The following DDI2 variants were observed in gnomAD, a reference collection of about 807,000 sequenced individuals.
The protein encoded by DDI2 is protein DDI1 homolog 2.
A neutral mutation model predicts 48.1 loss-of-function variants in DDI2; 5 were observed. The observed-to-expected ratio is 0.10, with a 90% CI of 0.05 to 0.22. The LOEUF (loss-of-function observed/expected upper bound fraction) is 0.22, where lower values mean the gene tolerates loss of function less well. Among genes scored for constraint, DDI2 ranks in the 10% least tolerant of loss-of-function variants. The pLI is 1.00. For synonymous variants in DDI2, 205 were observed against 183.6 expected (o/e 1.12, Z -0.94); for missense variants, 285 against 506.2 (o/e 0.56, Z 4.19).
At chr1:15,639,592 T>C (rs1305758025) in intron 5 of DDI2, among the ~76,000 whole-genome samples, 1 of 152,074 alleles carries the variant, frequency 6.6e-6, no homozygotes, top group Non-Finnish European at 1.5e-5. Flanking sequence ...GCCTCTCAAG[T>C]AGCTGGAACC....
intron 4 of DDI2, 29 bp from the exon 5 acceptor site, chr1:15,638,278 T>G: frequency 6.2e-7 from 1 of 1,612,696 alleles, no homozygotes; most frequent in East Asian, 2.2e-5. Flanking sequence ...ATTAATGCTT[T>G]CAGTGTCCCT....
chr1:15,634,207 T>G (rs1032083543), intron 4 of DDI2: 9 of 158,074 alleles, frequency 5.7e-5, no homozygotes, highest in Middle Eastern at 3.3e-3. Flanking sequence ...GAATCAGAAT[T>G]GTCGGGCATG....
Position 15,665,657 on chromosome 1 carries a change from G to A in DDI2, c.*5867G>A, listed in dbSNP as rs1640442074. 1 of 152,106 alleles carries A rather than the reference G, an allele frequency of 6.6e-6. No individual in the cohort carries two copies. 9.4% of individuals were successfully genotyped at this position (152,106 alleles called of 1,614,324 possible). A position where few individuals can be genotyped will look rare whatever the true frequency, so the allele number is the denominator to read the frequency against. ...TAGTTAATTTTATATGGATTTAAAA[G>A]CAAGCAATTTTTATATCTACAGACG... On this transcript the variant is annotated 3_prime_UTR_variant, in exon 10 of 10. Transcript: ENST00000480945.
chr1:15,634,486 T>C (rs1432631570), intron 4 of DDI2, among the ~76,000 whole-genome samples: 1 of 151,124 alleles, frequency 6.6e-6, no homozygotes, highest in Non-Finnish European at 1.5e-5. Flanking sequence ...TATTACACTA[T>C]CTATCAACTT....
intron 6 of DDI2, among the ~76,000 whole-genome samples, chr1:15,644,663 G>A (rs543958449): frequency 1.2e-3 from 149 of 125,688 alleles, no homozygotes; most frequent in Non-Finnish European, 2.0e-3. Context: ...GCGCTATCTC[G>A]GCTCACTGCA....
rs373171208 is a variant in DDI2, at chr1:15,661,613, G to C, written c.*1823G>C. 28 of 1,613,908 alleles carry C rather than the reference G, an allele frequency of 1.7e-5. 1 individual carries two copies. In the South Asian group the frequency reaches 3.0e-4, roughly 17 times the overall value. On this transcript the variant is annotated 3_prime_UTR_variant, in exon 10 of 10. Coordinates refer to ENST00000480945, the MANE Select transcript of DDI2 (RefSeq NM_032341.5). ...GCCACAGATATTGACCGCATTCTCC[G>C]TGCTGGCTTTACTTTGCAGGAAGCT... is the stretch of plus-strand genomic sequence containing the variant.
intron 1 of DDI2, 75 bp downstream of exon 1, chr1:15,617,883 C>T: frequency 1.4e-6 from 2 of 1,428,250 alleles, no homozygotes; most frequent in South Asian, 2.9e-5. Context: ...CCTCCCTTTG[C>T]TACTGGTGAA....
At chr1:15,653,814 C>G (rs528887151) in intron 8 of DDI2, among the ~76,000 whole-genome samples, 105 of 152,252 alleles carry the variant, frequency 6.9e-4, no homozygotes, top group African/African-American at 2.4e-3. Context: ...TTGAACGTTA[C>G]TGAAAATGCA....
At chr1:15,618,939 T>G (rs1175051692) in intron 1 of DDI2, among the ~76,000 whole-genome samples, 1 of 152,240 alleles carries the variant, frequency 6.6e-6, no homozygotes, top group Non-Finnish European at 1.5e-5. Flanking sequence ...CAATACTTTG[T>G]TCAGAAGTAT....
chr1:15,660,106 CA>C lies in DDI2; in HGVS notation c.*317del. The stretch of plus-strand genomic sequence containing the variant: ...TCTTTCTTTACAAGATCTTTCTGAT[CA>C]TGCTTCCTCAGCAGACCATGCTCCA... On this transcript the variant is annotated 3_prime_UTR_variant, in exon 10 of 10. Coordinates refer to ENST00000480945, the MANE Select transcript of DDI2 (RefSeq NM_032341.5). The C allele has an allele frequency of 6.2e-7, 1 of 1,614,134 alleles. No individual in the cohort carries two copies. Among genetic ancestry groups the C allele is most frequent in the Middle Eastern group, 1.6e-4 (1 of 6,062 alleles).
At chr1:15,659,724 G>A (rs1409008598) in intron 9 of DDI2, 113 bp from the exon 10 acceptor site, 20 of 1,109,786 alleles carry the variant, frequency 1.8e-5, no homozygotes, top group Admixed American at 1.2e-4. Context: ...AGAGAAACCC[G>A]AGTTTGAGGA....
chr1:15,643,779 G>A lies in DDI2; in HGVS notation c.889+129G>A, dbSNP rs759062628. ...TGTTGTTTTAAATTTCTTTTGTGTG[G>A]GTATGTCTGAGCTAGCAAGCCTAAT... On this transcript the variant is annotated intron_variant, in intron 6 of 9. Transcript: ENST00000480945. The A allele has an allele frequency of 7.5e-6, 10 of 1,337,348 alleles. No individual in the cohort carries two copies. The Middle Eastern group carries it at 6.5e-4, about 87-fold the overall frequency. 82.8% of individuals were successfully genotyped at this position (1,337,348 alleles called of 1,614,324 possible).
chr1:15,663,918 A>G lies in DDI2; in HGVS notation c.*4128A>G, dbSNP rs992190062. On this transcript the variant is annotated 3_prime_UTR_variant, in exon 10 of 10. Coordinates refer to ENST00000480945, the MANE Select transcript of DDI2 (RefSeq NM_032341.5). ...TGGGAAACAGTTCCAAGTGGAATAT[A>G]TAATATCAGTCGGGAAAAGATTTCA... The G allele has an allele frequency of 2.0e-5, 3 of 152,342 alleles. No homozygotes were observed. The highest frequency in any genetic ancestry group is 2.0e-4 in the Admixed American group (3 of 15,298). 9.4% of individuals were successfully genotyped at this position (152,342 alleles called of 1,614,324 possible). A position where few individuals can be genotyped will look rare whatever the true frequency, so the allele number is the denominator to read the frequency against.
At chr1:15,617,873 C>T (rs1639588563) in intron 1 of DDI2, 65 bp downstream of exon 1, 5 of 1,447,268 alleles carry the variant, frequency 3.5e-6, no homozygotes, top group South Asian at 1.4e-5. Flanking sequence ...GGCCTCACTC[C>T]CTCCCTTTGC....
intron 8 of DDI2, 148 bp from the exon 9 acceptor site, chr1:15,656,469 G>A: frequency 6.5e-7 from 1 of 1,531,834 alleles, no homozygotes; most frequent in Non-Finnish European, 8.8e-7. Flanking sequence ...AAATATTTTG[G>A]ATGTCCAAAC....
In DDI2 at chr1:15,638,410, C is replaced by T. The variant is rs1639957499; in HGVS notation, c.736C>T (p.Pro246Ser). The T allele has an allele frequency of 6.2e-7, 1 of 1,613,662 alleles. No homozygotes were observed. The highest frequency in any genetic ancestry group is 1.3e-5 in the African/African-American group (1 of 74,856). ...LYINCKVNGH[P>S]VKAFVDSGAQ... Reference sequence around the variant, plus strand: ...TATTAACTGCAAAGTGAATGGACATCCTGTGAAAGCCTTTGTTGACTCAGG... The same window carrying T: ...TATTAACTGCAAAGTGAATGGACATTCTGTGAAAGCCTTTGTTGACTCAGG... The change falls in exon 5 of 10, where the codon CCT becomes TCT. Residue 246 changes from proline to serine, a missense_variant. Coordinates refer to ENST00000480945, the MANE Select transcript of DDI2 (RefSeq NM_032341.5).
At chr1:15,653,960 TA>T (rs1640232749) in intron 8 of DDI2, among the ~76,000 whole-genome samples, 1 of 152,210 alleles carries the variant, frequency 6.6e-6, no homozygotes, top group South Asian at 2.1e-4. Context: ...CTAAGTTTTC[TA>T]GGTAAAATGG....
Position 15,617,820 on chromosome 1 carries a change from A to T in DDI2, c.138+12A>T. 6.3e-7 allele frequency: 1 copy of T among 1,584,770 alleles called. No homozygotes were observed. The highest frequency in any genetic ancestry group is 8.6e-7 in the Non-Finnish European group (1 of 1,167,298). ...CAGCCGAGAGCCAGGTACGCCGGGC[A>T]GCGAGCCGGGCCTGCCCCGGAGCTA... On this transcript the variant is annotated intron_variant, in intron 1 of 9. Coordinates refer to ENST00000480945, the MANE Select transcript of DDI2 (RefSeq NM_032341.5).
intron 1 of DDI2, among the ~76,000 whole-genome samples, chr1:15,623,103 C>T (rs1176686981): frequency 6.6e-6 from 1 of 152,118 alleles, no homozygotes; most frequent in Non-Finnish European, 1.5e-5. Flanking sequence ...GGCAACTAAG[C>T]AGTGATGGAG....
Sources: gnomAD v4.1 joint callset for allele counts (sites outside exome capture counted in the v4.1 genomes callset) on GRCh38, gnomAD v4.1.1 for gene constraint, MANE v1.5 for transcripts, NCBI Gene and HGNC (gene_info 2026-07-23, HGNC 2026-07-21) for gene names.